RAB2A: variants seen among roughly 807,000 people sequenced by gnomAD.
The protein encoded by RAB2A is RAB2A, member RAS oncogene family, also known as ras-related protein Rab-2A.
A neutral mutation model predicts 32.5 loss-of-function variants in RAB2A; 7 were observed. That is an observed-to-expected ratio of 0.22 (90% CI 0.12 to 0.40). RAB2A has a LOEUF of 0.40. Among genes scored for constraint, RAB2A ranks in the 10% least tolerant of loss-of-function variants. The pLI, the probability that RAB2A is intolerant of heterozygous loss-of-function variation, is 1.00. For synonymous variants in RAB2A, 79 were observed against 85.2 expected (o/e 0.93, Z 0.40); for missense variants, 108 against 260.7 (o/e 0.41, Z 4.03).
At chr8:60,575,088 T>TG (rs36051136) in intron 3 of RAB2A, among the ~76,000 whole-genome samples, 2 of 135,272 alleles carry the variant, frequency 1.5e-5, no homozygotes, top group African/African-American at 6.1e-5. Flanking sequence ...TTTGTTTTTT[T>TG]GGGGGTTTTT....
At chr8:60,603,186 C>T (rs1225257172) in intron 6 of RAB2A, among the ~76,000 whole-genome samples, 1 of 152,162 alleles carries the variant, frequency 6.6e-6, no homozygotes, top group Non-Finnish European at 1.5e-5. Context: ...AGGGAACCCT[C>T]TTAAAAGATT....
intron 2 of RAB2A, among the ~76,000 whole-genome samples, chr8:60,566,314 A>C (rs776238813): frequency 2.5e-4 from 38 of 152,176 alleles, no homozygotes; most frequent in South Asian, 4.1e-4. Context: ...AATTAGAGTC[A>C]AAAAAATTTT....
intron 6 of RAB2A, among the ~76,000 whole-genome samples, chr8:60,599,453 A>G (rs1804093172): frequency 6.6e-6 from 1 of 152,186 alleles, no homozygotes; most frequent in Non-Finnish European, 1.5e-5. Flanking sequence ...ATATATATGG[A>G]AAGGCAGAAG....
chr8:60,621,258 G>A lies in RAB2A; in HGVS notation c.*489G>A, dbSNP rs1470566520. The stretch of plus-strand genomic sequence containing the variant: ...ATATATAGTTTAATAACCTGCTTGG[G>A]TGTAATTTGCCAAGCTTGAATTCTT... On this transcript the variant is annotated 3_prime_UTR_variant, in exon 8 of 8. Coordinates refer to ENST00000262646, the MANE Select transcript of RAB2A (RefSeq NM_002865.3). 6.6e-6 allele frequency: 1 copy of A among 152,388 alleles called. No homozygotes were observed. Among genetic ancestry groups the A allele is most frequent in the African/African-American group, 2.4e-5 (1 of 41,404 alleles). 9.4% of individuals were successfully genotyped at this position (152,388 alleles called of 1,614,324 possible).
chr8:60,559,819 T>G (rs776315546), intron 2 of RAB2A, among the ~76,000 whole-genome samples: 5 of 152,226 alleles, frequency 3.3e-5, no homozygotes, highest in Non-Finnish European at 4.4e-5. Context: ...CTGCTGACAT[T>G]ATTAATTTAC....
intron 3 of RAB2A, among the ~76,000 whole-genome samples, chr8:60,574,955 A>G (rs577280060): frequency 6.6e-6 from 1 of 152,276 alleles, no homozygotes; most frequent in African/African-American, 2.4e-5. Context: ...TCCAGCTTCT[A>G]CATGGAGAGC....
At chr8:60,598,245 G>T (rs1163695330) in intron 6 of RAB2A, among the ~76,000 whole-genome samples, 7 of 152,028 alleles carry the variant, frequency 4.6e-5, no homozygotes, top group African/African-American at 1.7e-4. Context: ...AACGGAAATT[G>T]AATTCATAGT....
At chr8:60,596,483 A>G (rs976057970) in intron 6 of RAB2A, among the ~76,000 whole-genome samples, 1 of 152,226 alleles carries the variant, frequency 6.6e-6, no homozygotes, top group South Asian at 2.1e-4. Context: ...AAAGTGGGCG[A>G]AGGATATGAA....
chr8:60,526,151 T>A (rs1807385285), intron 1 of RAB2A, among the ~76,000 whole-genome samples: 1 of 151,560 alleles, frequency 6.6e-6, no homozygotes, highest in Admixed American at 6.6e-5. Context: ...AAGTCTAACG[T>A]GTCACTGGGA....
intron 3 of RAB2A, among the ~76,000 whole-genome samples, chr8:60,579,289 C>T (rs561489397): frequency 2.4e-4 from 36 of 152,254 alleles, no homozygotes; most frequent in East Asian, 1.9e-4. Flanking sequence ...GTGATCCATC[C>T]GCCTTGGCCT....
chr8:60,568,722 A>G (rs781619893), intron 2 of RAB2A, among the ~76,000 whole-genome samples: 6 of 152,200 alleles, frequency 3.9e-5, no homozygotes, highest in South Asian at 2.1e-4. Context: ...AGTGAATAAC[A>G]TATCTGAGAA....
chr8:60,573,974 A>G (rs572966205), intron 3 of RAB2A, among the ~76,000 whole-genome samples: 1 of 152,326 alleles, frequency 6.6e-6, no homozygotes, highest in South Asian at 2.1e-4. Context: ...TTCAGAACTG[A>G]TTTACGTAAA....
intron 1 of RAB2A, among the ~76,000 whole-genome samples, chr8:60,550,671 AC>A (rs1807831887): frequency 6.6e-6 from 1 of 152,098 alleles, no homozygotes; most frequent in African/African-American, 2.4e-5. Flanking sequence ...GGCATGAGCC[AC>A]CACACCTGCC....
chr8:60,580,355 G>A (rs1803723878), intron 3 of RAB2A, among the ~76,000 whole-genome samples: 2 of 151,954 alleles, frequency 1.3e-5, no homozygotes, highest in Admixed American at 6.6e-5. Context: ...TTAACCTTTG[G>A]GCTAACTTTA....
intron 1 of RAB2A, among the ~76,000 whole-genome samples, chr8:60,545,958 T>C (rs1807721006): frequency 6.6e-6 from 1 of 152,210 alleles, no homozygotes; most frequent in South Asian, 2.1e-4. Flanking sequence ...AACAGATCAT[T>C]CTAGGTGCTT....
At chr8:60,584,002 G>A (rs1256952492) in intron 3 of RAB2A, 2 of 456,356 alleles carry the variant, frequency 4.4e-6, no homozygotes, top group African/African-American at 2.0e-5. Flanking sequence ...GCGACTACAT[G>A]TGCACTACAT....
Position 60,623,156 on chromosome 8 carries a change from T to G in RAB2A, c.*2387T>G, listed in dbSNP as rs1804556160. ...CATTGTTACCATTCGTCTTGCAAAT[T>G]TAAGACAACTGAATGAAAAGCCAAT... is the stretch of plus-strand genomic sequence containing the variant. On this transcript the variant is annotated 3_prime_UTR_variant, in exon 8 of 8. Transcript: ENST00000262646. 1 of 152,202 alleles carries G rather than the reference T, an allele frequency of 6.6e-6. No individual in the cohort carries two copies. Among genetic ancestry groups the G allele is most frequent in the Non-Finnish European group, 1.5e-5 (1 of 68,034 alleles). The allele number at this position is 152,202 out of a possible 1,614,324, so 9.4% of individuals were successfully genotyped here.
chr8:60,550,294 T>TTCAG (rs55942379), intron 1 of RAB2A, among the ~76,000 whole-genome samples: 101,272 of 151,684 alleles, frequency 0.67, 35,678 homozygotes, highest in African/African-American at 0.92. Flanking sequence ...GCCTCACAAA[T>TTCAG]TCAATTTGAA....
chr8:60,536,542 G>C (rs190114064), intron 1 of RAB2A, among the ~76,000 whole-genome samples: 216 of 152,246 alleles, frequency 1.4e-3, no homozygotes, highest in Non-Finnish European at 2.7e-3. Context: ...GTTATGAAAG[G>C]ATTAGTAAAA....
Sources: allele counts gnomAD v4.1 joint callset (sites outside exome capture counted in the v4.1 genomes callset), GRCh38; gene constraint gnomAD v4.1.1; transcripts MANE v1.5; gene names NCBI Gene and HGNC (gene_info 2026-07-23, HGNC 2026-07-21).